The following OTUD6B variants were observed in gnomAD, a reference collection of about 807,000 sequenced individuals.
The protein encoded by OTUD6B is OTU deubiquitinase 6B.
In OTUD6B, 41 loss-of-function variants were observed where a neutral mutation model predicts 36.9. The observed-to-expected ratio is 1.11, with a 90% CI of 0.87 to 1.44. OTUD6B has a LOEUF of 1.44. OTUD6B is among the 40% of genes most tolerant of loss of function. The probability of loss-of-function intolerance (pLI) is 0.00; values close to 1 mark genes in which losing one functional copy is unlikely to be tolerated. For synonymous variants in OTUD6B, 114 were observed against 114.2 expected, an observed-to-expected ratio of 1.00 and a Z score of 0.01; for missense variants, 356 against 344.8, an observed-to-expected ratio of 1.03 and a Z score of -0.26.
chr8:91,080,922 T>A (rs930361851), intron 5 of OTUD6B, among the ~76,000 whole-genome samples, 192 bp downstream of exon 5: 17 of 152,164 alleles, frequency 1.1e-4, no homozygotes, highest in African/African-American at 3.9e-4. Flanking sequence ...GTATGTATGT[T>A]GAGGGATTGA....
At chr8:91,078,817 A>G in intron 4 of OTUD6B, 149 bp downstream of exon 4, 1 of 481,536 alleles carries the variant, frequency 2.1e-6, no homozygotes, top group Non-Finnish European at 3.6e-6. Flanking sequence ...ATTTTCTGTA[A>G]TTTTAATAGA....
intron 3 of OTUD6B, 141 bp downstream of exon 3, chr8:91,074,052 A>G (rs113641641): frequency 2.9e-5 from 15 of 523,450 alleles, no homozygotes; most frequent in African/African-American, 1.9e-4. Context: ...ACTAACATTT[A>G]TTAAGCACCT....
intron 1 of OTUD6B, 150 bp downstream of exon 1, chr8:91,070,616 C>A: frequency 1.4e-6 from 1 of 730,948 alleles, no homozygotes; most frequent in East Asian, 2.8e-5. Context: ...CTTCACCTAC[C>A]CCGGCGGCCC....
In OTUD6B at chr8:91,085,677, T is replaced by C. The variant is rs754828891; in HGVS notation, c.*809T>C. ...GTACCATCATCTCTTGAGTCTTTCA[T>C]AACTACACATTTTTATATTTCCTTT... is the stretch of plus-strand genomic sequence containing the variant. On this transcript the variant is annotated 3_prime_UTR_variant, in exon 7 of 7. Transcript: ENST00000404789. The C allele has an allele frequency of 1.1e-4, 17 of 152,096 alleles. No individual in the cohort carries two copies. Among genetic ancestry groups the C allele is most frequent in the Non-Finnish European group, 7.4e-5 (5 of 67,984 alleles). 9.4% of individuals were successfully genotyped at this position (152,096 alleles called of 1,614,324 possible).
chr8:91,080,710 G>A lies in OTUD6B; in HGVS notation c.670G>A (p.Ala224Thr), dbSNP rs760023594. ...CTGTGAAGATATTGTAAACACAGCT[G>A]CATGGGGAGGTCAGCTTGAGGTAAG... ...KYCEDIVNTA[A>T]WGGQLELRAL... The change falls in exon 5 of 7, where the codon GCA becomes ACA. Residue 224 changes from alanine to threonine, a missense_variant. By Grantham distance (58) the Ala-to-Thr change is moderately conservative (BLOSUM62 0). Transcript: ENST00000404789. 1.2e-6 allele frequency: 2 copies of A among 1,603,308 alleles called. No homozygotes were observed. The highest frequency in any genetic ancestry group is 2.2e-5 in the East Asian group (1 of 44,724).
At chr8:91,083,945 A>C in intron 5 of OTUD6B, 63 bp from the exon 6 acceptor site, 3 of 1,537,226 alleles carry the variant, frequency 2.0e-6, no homozygotes, top group Non-Finnish European at 2.6e-6. Context: ...TTGCCCGTTC[A>C]CACATATTTG....
chr8:91,070,402 C>T lies in OTUD6B; in HGVS notation c.18C>T (p.Thr6=). The T allele has an allele frequency of 1.9e-6, 3 of 1,605,206 alleles. No homozygotes were observed. Among genetic ancestry groups the T allele is most frequent in the Non-Finnish European group, 2.6e-6 (3 of 1,175,796 alleles). The part of the protein sequence containing the change: MEAVL[T]EELDEEEQLL... ...TGGTCGTCATGGAGGCGGTATTGACCGAAGAGCTTGATGAGGAAGAGCAGC... is the reference window on the plus strand; with the variant it reads ...TGGTCGTCATGGAGGCGGTATTGACTGAAGAGCTTGATGAGGAAGAGCAGC... Residue 6 remains threonine (T), a synonymous_variant, in exon 1 of 7, where the codon ACC becomes ACT. Transcript: ENST00000404789.
intron 4 of OTUD6B, chr8:91,078,888 A>G (rs1812850104): frequency 2.6e-6 from 1 of 384,422 alleles, no homozygotes; most frequent in South Asian, 5.6e-5. Flanking sequence ...TAATTATAAT[A>G]TGCTAATCAT....
chr8:91,071,066 C>G (rs1001197805), intron 1 of OTUD6B, 72 bp from the exon 2 acceptor site: 1 of 1,587,134 alleles, frequency 6.3e-7, no homozygotes, highest in Non-Finnish European at 8.5e-7. Context: ...GTTACCATCC[C>G]CTTATTGGTT....
chr8:91,081,130 T>C (rs1389604037), intron 5 of OTUD6B, among the ~76,000 whole-genome samples: 1 of 130,426 alleles, frequency 7.7e-6, no homozygotes. Flanking sequence ...AAATATCTTT[T>C]TTACATCAGA....
At chr8:91,076,646 C>G in intron 3 of OTUD6B, 1 of 1,520,804 alleles carries the variant, frequency 6.6e-7, no homozygotes, top group Non-Finnish European at 8.8e-7. Flanking sequence ...TCTGCTCTTA[C>G]CAGCTGTATG....
chr8:91,080,336 A>G (rs919037888), intron 4 of OTUD6B, among the ~76,000 whole-genome samples: 1 of 152,118 alleles, frequency 6.6e-6, no homozygotes, highest in African/African-American at 2.4e-5. Context: ...GCTTCAAAAC[A>G]CATGTCAAGA....
At chr8:91,077,340 T>G (rs1279232321) in intron 3 of OTUD6B, among the ~76,000 whole-genome samples, 3 of 152,014 alleles carry the variant, frequency 2.0e-5, no homozygotes, top group Non-Finnish European at 4.4e-5. Context: ...AGTTTCTTTT[T>G]AGTCCTATGT....
At chr8:91,071,552 G>C (rs1407531097) in intron 2 of OTUD6B, among the ~76,000 whole-genome samples, 1 of 152,134 alleles carries the variant, frequency 6.6e-6, no homozygotes, top group Admixed American at 6.5e-5. Flanking sequence ...GTTTCACCAT[G>C]TTAGCCAAGA....
At chr8:91,071,711 C>G (rs1812703611) in intron 2 of OTUD6B, among the ~76,000 whole-genome samples, 1 of 152,156 alleles carries the variant, frequency 6.6e-6, no homozygotes, top group Non-Finnish European at 1.5e-5. Flanking sequence ...CTTAGTTATG[C>G]TCATGCATCA....
At chr8:91,084,707 A>G (rs1419856625) in intron 6 of OTUD6B, 77 bp from the exon 7 acceptor site, 32 of 1,237,814 alleles carry the variant, frequency 2.6e-5, no homozygotes, top group Non-Finnish European at 3.2e-5. Context: ...TGGTTTATAT[A>G]TATATATAAT....
chr8:91,078,705 T>G (rs752811077), intron 4 of OTUD6B, 37 bp downstream of exon 4: 17 of 1,399,306 alleles, frequency 1.2e-5, no homozygotes, highest in Non-Finnish European at 1.6e-5. Flanking sequence ...TATTGTTGCT[T>G]TGTTGTAGTT....
rs1209099654 is a variant in OTUD6B at position 91,087,079 on chromosome 8, A to G, written c.*2211A>G. 1.3e-5 allele frequency: 2 copies of G among 152,118 alleles called. No individual in the cohort carries two copies. The highest frequency in any genetic ancestry group is 2.4e-5 in the African/African-American group (1 of 41,458). The allele number at this position is 152,118 out of a possible 1,614,324, so 9.4% of individuals were successfully genotyped here. ...TTTGCCAAAAAAAGAATAAAAAATG[A>G]ATGAATTAAATCAACATTTATTTGC... On this transcript the variant is annotated 3_prime_UTR_variant, in exon 7 of 7. Coordinates refer to ENST00000404789, the MANE Select transcript of OTUD6B (RefSeq NM_016023.5).
rs1293048062 is a variant in OTUD6B at position 91,085,294 on chromosome 8, G to A, written c.*426G>A. The A allele has an allele frequency of 1.3e-5, 2 of 152,324 alleles. No homozygotes were observed. The highest frequency in any genetic ancestry group is 2.4e-5 in the African/African-American group (1 of 41,408). The allele number at this position is 152,324 out of a possible 1,614,324, so 9.4% of individuals were successfully genotyped here. On this transcript the variant is annotated 3_prime_UTR_variant, in exon 7 of 7. Transcript: ENST00000404789. ...ATATCTTTGTCATTGCAATAATGTA[G>A]TATGGTGATGGTCAATTTAATTATT... is the stretch of plus-strand genomic sequence containing the variant.
Sources: gnomAD v4.1 joint callset for allele counts (sites outside exome capture counted in the v4.1 genomes callset) on GRCh38, gnomAD v4.1.1 for gene constraint, MANE v1.5 for transcripts, NCBI Gene and HGNC (gene_info 2026-07-23, HGNC 2026-07-21) for gene names.